The following TAF12 variants were observed in gnomAD, a reference collection of about 807,000 sequenced individuals.
TAF12 encodes the protein TATA-box binding protein associated factor 12.
A neutral mutation model predicts 20.8 loss-of-function variants in TAF12; 3 were observed. The observed-to-expected ratio is 0.14, with a 90% confidence interval of 0.07 to 0.37. The LOEUF (loss-of-function observed/expected upper bound fraction) is 0.37, where lower values mean the gene tolerates loss of function less well. Ranked by LOEUF, TAF12 falls within the 10% of genes least tolerant of loss-of-function variation. The pLI, the probability that TAF12 is intolerant of heterozygous loss-of-function variation, is 1.00. For synonymous variants in TAF12, 69 were observed against 70.2 expected (o/e 0.98, Z 0.09); for missense variants, 131 against 197.9 (o/e 0.66, Z 2.03).
chr1:28,633,228 C>T (rs1405331400), intron 1 of TAF12, among the ~76,000 whole-genome samples: 14 of 149,264 alleles, frequency 9.4e-5, no homozygotes, highest in African/African-American at 3.5e-4. Flanking sequence ...GTACAGGAGC[C>T]CAATCTTGGC....
At chr1:28,612,984 C>T (rs1345185909) in intron 4 of TAF12, among the ~76,000 whole-genome samples, 1 of 152,164 alleles carries the variant, frequency 6.6e-6, no homozygotes, top group East Asian at 1.9e-4. Context: ...AATGAGGAAA[C>T]AGACTCTAAG....
chr1:28,620,867 T>C (rs1440220874), intron 2 of TAF12, among the ~76,000 whole-genome samples: 2 of 152,170 alleles, frequency 1.3e-5, no homozygotes, highest in Non-Finnish European at 2.9e-5. Context: ...TCCATTCTTC[T>C]TCATTCTATC....
chr1:28,625,078 G>A (rs1023625246), intron 1 of TAF12, among the ~76,000 whole-genome samples: 1 of 152,188 alleles, frequency 6.6e-6, no homozygotes, highest in Admixed American at 6.5e-5. Context: ...GCCTCATTAA[G>A]GATCATCAAA....
intron 1 of TAF12, among the ~76,000 whole-genome samples, chr1:28,627,635 G>A (rs1253939410): frequency 1.5e-5 from 2 of 136,284 alleles, no homozygotes; most frequent in Non-Finnish European, 3.0e-5. Context: ...GGAGCTTGCA[G>A]TGAGCCGAGA....
At chr1:28,624,117 T>G (rs1377159373) in intron 1 of TAF12, 1 of 511,866 alleles carries the variant, frequency 2.0e-6, no homozygotes, top group African/African-American at 2.1e-5. Flanking sequence ...CCAACCAGGA[T>G]CCAAGCAAAC....
At position 28,642,998 on chromosome 1, in the gene TAF12, C is replaced by G; in HGVS notation, c.-91G>C. The G allele has an allele frequency of 1.0e-6, 1 of 986,048 alleles. No individual in the cohort carries two copies. The highest frequency in any genetic ancestry group is 1.2e-6 in the Non-Finnish European group (1 of 830,062). The allele number at this position is 986,048 out of a possible 1,614,324, so 61.1% of individuals were successfully genotyped here. On this transcript the variant is annotated 5_prime_UTR_variant, in exon 1 of 6. Transcript: ENST00000373824. ...GCCAGGGCCCAAGACTCACAGGCAG[C>G]AGCGTCTATCTCCCCATGATATGCA... is the stretch of plus-strand genomic sequence containing the variant.
intron 1 of TAF12, 112 bp from the exon 2 acceptor site, chr1:28,622,277 T>C (rs1667244403): frequency 1.8e-6 from 2 of 1,104,114 alleles, no homozygotes; most frequent in Admixed American, 4.3e-5. Flanking sequence ...CCCAGCACTT[T>C]GGGAGGCCCA....
chr1:28,638,642 T>A (rs1158133696), intron 1 of TAF12, among the ~76,000 whole-genome samples: 1 of 147,720 alleles, frequency 6.8e-6, no homozygotes, highest in African/African-American at 2.5e-5. Context: ...CACGCCACTA[T>A]GTCCAGCTGA....
intron 1 of TAF12, among the ~76,000 whole-genome samples, chr1:28,634,741 C>T (rs1667758771): frequency 6.6e-6 from 1 of 151,832 alleles, no homozygotes; most frequent in African/African-American, 2.4e-5. Flanking sequence ...ACCAGCCCGA[C>T]CAACATGCAG....
At chr1:28,630,712 T>G (rs186268410) in intron 1 of TAF12, among the ~76,000 whole-genome samples, 1 of 152,066 alleles carries the variant, frequency 6.6e-6, no homozygotes, top group East Asian at 1.9e-4. Flanking sequence ...AAAGTGGACT[T>G]AATCAAAATG....
At chr1:28,637,210 A>T (rs1667860860) in intron 1 of TAF12, among the ~76,000 whole-genome samples, 1 of 152,130 alleles carries the variant, frequency 6.6e-6, no homozygotes, top group Admixed American at 6.6e-5. Context: ...CCACATCTGT[A>T]ATTAGGAGTT....
upstream of TAF12, among the ~76,000 whole-genome samples, chr1:28,645,551 G>A (rs1373187787): frequency 1.3e-5 from 2 of 151,880 alleles, no homozygotes; most frequent in Non-Finnish European, 2.9e-5. Flanking sequence ...AGGAGGCTGC[G>A]GAAGGAGAAT....
intron 4 of TAF12, among the ~76,000 whole-genome samples, chr1:28,610,541 C>T (rs1303011367): frequency 6.6e-6 from 1 of 152,042 alleles, no homozygotes; most frequent in Admixed American, 6.6e-5. Context: ...TCTTGAACTC[C>T]TGGGCTGAAG....
intron 1 of TAF12, among the ~76,000 whole-genome samples, chr1:28,642,370 A>C (rs1004086088): frequency 6.6e-6 from 1 of 152,104 alleles, no homozygotes; most frequent in Non-Finnish European, 1.5e-5. Flanking sequence ...GGCTGATCTC[A>C]TATCCATGGT....
intron 1 of TAF12, among the ~76,000 whole-genome samples, chr1:28,622,532 G>A (rs1005522445): frequency 6.6e-6 from 1 of 152,066 alleles, no homozygotes; most frequent in Non-Finnish European, 1.5e-5. Context: ...CAAATATTAA[G>A]TGAAATAGTC....
At chr1:28,624,967 T>C (rs1364673837) in intron 1 of TAF12, among the ~76,000 whole-genome samples, 1 of 152,072 alleles carries the variant, frequency 6.6e-6, no homozygotes, top group Non-Finnish European at 1.5e-5. Context: ...CCACAAACAT[T>C]ACCAATAGAA....
At chr1:28,613,581 C>G (rs982105336) in intron 3 of TAF12, among the ~76,000 whole-genome samples, 1 of 152,180 alleles carries the variant, frequency 6.6e-6, no homozygotes, top group Non-Finnish European at 1.5e-5. Context: ...ATACTTTCTA[C>G]CCAGCAGTGA....
intron 3 of TAF12, among the ~76,000 whole-genome samples, chr1:28,613,926 G>C (rs1425176649): frequency 6.6e-6 from 1 of 152,186 alleles, no homozygotes; most frequent in Non-Finnish European, 1.5e-5. Flanking sequence ...CAACAATATT[G>C]CAAGAGCCCC....
chr1:28,614,247 A>C (rs1345314841), intron 3 of TAF12, among the ~76,000 whole-genome samples: 5 of 151,266 alleles, frequency 3.3e-5, no homozygotes, highest in African/African-American at 1.2e-4. Flanking sequence ...AAAACAAAAA[A>C]CCAATAATTA....
Sources: allele counts gnomAD v4.1 joint callset (sites outside exome capture counted in the v4.1 genomes callset), GRCh38; gene constraint gnomAD v4.1.1; transcripts MANE v1.5; gene names NCBI Gene and HGNC (gene_info 2026-07-23, HGNC 2026-07-21).